Variants in TBC1D20 observed in about 807,000 individuals in gnomAD.
The protein encoded by TBC1D20 is TBC1 domain family member 20, also known as chromosome 20 open reading frame 140.
TBC1D20 carries 12 observed loss-of-function variants against 41.6 expected under a neutral mutation model. The ratio of observed to expected loss-of-function variants is 0.29; its 90% CI spans 0.18 to 0.47. TBC1D20 has a LOEUF of 0.47. Among genes scored for constraint, TBC1D20 ranks in the 20% least tolerant of loss-of-function variants. TBC1D20 has a pLI of 1.00. For synonymous variants in TBC1D20, 205 were observed against 204.8 expected, an observed-to-expected ratio of 1.00 and a Z score of -0.01; for missense variants, 421 against 517.4, an observed-to-expected ratio of 0.81 and a Z score of 1.81.
intron 3 of TBC1D20, 57 bp downstream of exon 3, chr20:444,993 A>G: frequency 6.8e-7 from 1 of 1,460,230 alleles, no homozygotes; most frequent in Non-Finnish European, 9.5e-7. Flanking sequence ...GTCACATGGT[A>G]TGACCTGGAA....
chr20:459,671 G>A (rs1000759338), intron 1 of TBC1D20, among the ~76,000 whole-genome samples: 2 of 151,962 alleles, frequency 1.3e-5, no homozygotes, highest in Non-Finnish European at 1.5e-5. Context: ...TTATAAAGAG[G>A]GCAAAGCAGA....
rs12480041 is a variant in TBC1D20, at chr20:456,046, C to T, written c.70+6290G>A. ...TAATCCCAGCACTTTAGGAAGCCGA[C>T]GTGGGCAGATTGCTTGACCCCAGGA... On this transcript the variant is annotated intron_variant, in intron 1 of 7. Coordinates refer to ENST00000354200, the MANE Select transcript of TBC1D20 (RefSeq NM_144628.4). 2.9e-3 allele frequency among the ~76,000 whole-genome samples: 447 copies of T among 152,280 alleles called. 5 individuals are homozygous for T. Among genetic ancestry groups the T allele is most frequent in the East Asian group, 0.026 (135 of 5,184 alleles).
rs571074532 is a variant in TBC1D20 at position 454,272 on chromosome 20, C to A, written c.71-6198G>T. ...AAAAAAGGCAGAAAGAACATGGATT[C>A]ACCTGCTTATACAAGAAAAAAGGAA... On this transcript the variant is annotated intron_variant, in intron 1 of 7. Coordinates refer to ENST00000354200, the MANE Select transcript of TBC1D20 (RefSeq NM_144628.4). 1.3e-4 allele frequency among the ~76,000 whole-genome samples: 19 copies of A among 141,164 alleles called. 1 individual carries two copies. Among genetic ancestry groups the A allele is most frequent in the African/African-American group, 5.0e-4 (19 of 37,736 alleles). 92.6% of individuals were successfully genotyped at this position (141,164 alleles called of 152,430 possible). A position where few individuals can be genotyped will look rare whatever the true frequency, so the allele number is the denominator to read the frequency against.
intron 1 of TBC1D20, among the ~76,000 whole-genome samples, chr20:452,563 G>A (rs1249049774): frequency 6.6e-6 from 1 of 152,172 alleles, no homozygotes; most frequent in Non-Finnish European, 1.5e-5. Context: ...GCTGTGGTGA[G>A]CTATGATAGC....
chr20:438,791 C>T lies in TBC1D20; in HGVS notation c.1007G>A (p.Arg336Lys), dbSNP rs982180847. 12 of 1,614,220 alleles carry T rather than the reference C, an allele frequency of 7.4e-6. No individual in the cohort carries two copies. The highest frequency in any genetic ancestry group is 1.0e-5 in the Non-Finnish European group (12 of 1,180,034). ...CCGCTGCCGCAGCACCATATCAGGC[C>T]TCTGCTGGGCTGATGCCAGCTCAAA... ...KDFELASAQQ[R>K]PDMVLRQRFR... The change falls in exon 8 of 8, where the codon AGG (arginine) becomes AAG (lysine). Residue 336 changes from arginine to lysine, a missense_variant. By Grantham distance (26) the Arg-to-Lys change is conservative (BLOSUM62 2). Transcript: ENST00000354200.
chr20:454,712 C>T (rs774167119), intron 1 of TBC1D20, among the ~76,000 whole-genome samples: 7 of 151,716 alleles, frequency 4.6e-5, no homozygotes, highest in Non-Finnish European at 7.4e-5. Context: ...TGCTTTGTCT[C>T]CCAGGCTGGA....
In TBC1D20 at chr20:462,457, A is replaced by G; in HGVS notation, c.-52T>C. On this transcript the variant is annotated 5_prime_UTR_variant, in exon 1 of 8. Transcript: ENST00000354200. ...AGCCCCGGCTGGTGGCGGAGCCGGGAGAAGACGCGGCTCCGACCGCGGGAC... is the reference window on the plus strand; with the variant it reads ...AGCCCCGGCTGGTGGCGGAGCCGGGGGAAGACGCGGCTCCGACCGCGGGAC... 1.8e-6 allele frequency: 2 copies of G among 1,087,936 alleles called. No homozygotes were observed. The highest frequency in any genetic ancestry group is 3.1e-5 in the South Asian group (1 of 31,758). 67.4% of individuals were successfully genotyped at this position (1,087,936 alleles called of 1,614,324 possible). A position where few individuals can be genotyped will look rare whatever the true frequency, so the allele number is the denominator to read the frequency against.
At position 445,112 on chromosome 20, in the gene TBC1D20, A is replaced by G. The variant is rs546969137; in HGVS notation, c.275T>C (p.Met92Thr). 5 of 1,600,586 alleles carry G rather than the reference A, an allele frequency of 3.1e-6. No homozygotes were observed. The East Asian group carries it at 1.1e-4, about 36-fold the overall frequency. The change falls in exon 3 of 8, where the codon ATG (methionine) becomes ACG (threonine). Residue 92 changes from methionine (M) to threonine (T), a missense_variant. By Grantham distance (81) the Met-to-Thr change is moderately conservative. Around this residue, in one of 3 missense-constraint regions of TBC1D20, gnomAD observed 150 missense variants for 151.3 expected, o/e 0.99. Coordinates refer to ENST00000354200, the MANE Select transcript of TBC1D20 (RefSeq NM_144628.4). ...CAACACTTGTTGGTAGTCCTTGCTC[A>G]TCTGCCGTAGGTTCTTCCCTATTGA... ...PPISGKNLRQ[M>T]SKDYQQVLLD...
At chr20:438,895 G>A (rs1470753757) in intron 7 of TBC1D20, 54 bp from the exon 8 acceptor site, 1 of 1,597,734 alleles carries the variant, frequency 6.3e-7, no homozygotes, top group Non-Finnish European at 8.5e-7. Flanking sequence ...GAGGAGGAAA[G>A]CAAAACTACA....
At chr20:456,693 T>C (rs1241805456) in intron 1 of TBC1D20, among the ~76,000 whole-genome samples, 2 of 151,810 alleles carry the variant, frequency 1.3e-5, no homozygotes, top group Non-Finnish European at 1.5e-5. Flanking sequence ...GCCTCCCGAG[T>C]AGCTGGGATT....
rs1376465537 is a variant in TBC1D20 at position 453,846 on chromosome 20, G to C, written c.71-5772C>G. The stretch of plus-strand genomic sequence containing the variant: ...ATTACAGGCGTGAGCCACCACACCT[G>C]GCCTATCCCAGCACTTTGGGAGGCC... On this transcript the variant is annotated intron_variant, in intron 1 of 7. Coordinates refer to ENST00000354200, the MANE Select transcript of TBC1D20 (RefSeq NM_144628.4). Among the ~76,000 whole-genome samples the C allele has an allele frequency of 2.1e-5, 3 of 143,738 alleles. 1 individual carries two copies. The highest frequency in any genetic ancestry group is 7.8e-5 in the African/African-American group (3 of 38,256). The allele number at this position is 143,738 out of a possible 152,430, so 94.3% of individuals were successfully genotyped here.
At chr20:441,293 G>T (rs1012806233) in intron 5 of TBC1D20, 33 of 321,174 alleles carry the variant, frequency 1.0e-4, no homozygotes, top group African/African-American at 6.3e-4. Context: ...ACAGGACTTT[G>T]TGTTTCTCTT....
At position 439,572 on chromosome 20, in the gene TBC1D20, C is replaced by A. The variant is rs569256387; in HGVS notation, c.769-277G>T. 6.6e-6 allele frequency among the ~76,000 whole-genome samples: 1 copy of A among 152,284 alleles called. No individual in the cohort carries two copies. Among genetic ancestry groups the A allele is most frequent in the East Asian group, 1.9e-4 (1 of 5,188 alleles). ...CGGGCATGCTGGGCTGCTCAGGTGT[C>A]CCTTTAAGTCTTGAAAGAAATGAAG... On this transcript the variant is annotated intron_variant, in intron 6 of 7. Coordinates refer to ENST00000354200, the MANE Select transcript of TBC1D20 (RefSeq NM_144628.4). This position sits in a 1 kb window ranked among gnomAD's most constrained non-coding sequence, Gnocchi z 4.6.
chr20:459,124 A>C (rs1306036426), intron 1 of TBC1D20, among the ~76,000 whole-genome samples: 1 of 152,264 alleles, frequency 6.6e-6, no homozygotes, highest in Non-Finnish European at 1.5e-5. Context: ...GCTAGACGAC[A>C]CAGGGAGGGA....
rs139303096 is a variant in TBC1D20 at position 439,460 on chromosome 20, C to A, written c.769-165G>T. On this transcript the variant is annotated intron_variant, in intron 6 of 7. Coordinates refer to ENST00000354200, the MANE Select transcript of TBC1D20 (RefSeq NM_144628.4). The surrounding 1 kb of genome is among the most constrained non-coding windows in gnomAD (Gnocchi z 4.6). The stretch of plus-strand genomic sequence containing the variant: ...CATCAAGGAAGTAATAACATATATA[C>A]GCTCAGTGCTACTCCTACTCTCTGG... Among the ~76,000 whole-genome samples, 11 of 152,288 alleles carry A rather than the reference C, an allele frequency of 7.2e-5. No individual in the cohort carries two copies. The highest frequency in any genetic ancestry group is 2.2e-4 in the African/African-American group (9 of 41,556).
At chr20:443,310 GCTGGAAATAGGGAAGC>G in intron 3 of TBC1D20, among the ~76,000 whole-genome samples, 1 of 152,280 alleles carries the variant, frequency 6.6e-6, no homozygotes, top group East Asian at 1.9e-4. Context: ...ATGTATTATA[GCTGGAAATAGGGAAGC>G]CTGTCTCAGG....
chr20:462,207 C>A, intron 1 of TBC1D20, 129 bp downstream of exon 1: 1 of 503,700 alleles, frequency 2.0e-6, no homozygotes, highest in South Asian at 8.4e-5. Context: ...CTGTTCCTCT[C>A]GCCGCCCGGA....
chr20:438,953 T>C, intron 7 of TBC1D20, 112 bp from the exon 8 acceptor site: 1 of 1,491,578 alleles, frequency 6.7e-7, no homozygotes, highest in East Asian at 2.3e-5. Flanking sequence ...AAGCTCTTTA[T>C]GATAAAGACC....
Position 438,385 on chromosome 20 carries a change from G to A in TBC1D20, c.*201C>T. On this transcript the variant is annotated 3_prime_UTR_variant, in exon 8 of 8. Transcript: ENST00000354200. ...GGGAGAGGCATAAGATTCTGTGCCAGGCCCCCAGGTCCCCTCTGTGTCAGG... is the reference window on the plus strand; with the variant it reads ...GGGAGAGGCATAAGATTCTGTGCCAAGCCCCCAGGTCCCCTCTGTGTCAGG... 1 of 604,236 alleles carries A rather than the reference G, an allele frequency of 1.7e-6. No individual in the cohort carries two copies. The highest frequency in any genetic ancestry group is 2.8e-5 in the East Asian group (1 of 35,488). The allele number at this position is 604,236 out of a possible 1,614,324, so 37.4% of individuals were successfully genotyped here. A position where few individuals can be genotyped will look rare whatever the true frequency, so the allele number is the denominator to read the frequency against.
Sources: allele counts gnomAD v4.1 joint callset (sites outside exome capture counted in the v4.1 genomes callset), GRCh38; gene constraint gnomAD v4.1.1; regional missense constraint gnomAD v4.1.1; non-coding constraint Gnocchi (gnomAD v3.1); transcripts MANE v1.5; gene names NCBI Gene and HGNC (gene_info 2026-07-23, HGNC 2026-07-21).